The following SGCG variants were observed in gnomAD, a reference collection of about 807,000 sequenced individuals.
The protein encoded by SGCG is sarcoglycan gamma.
In SGCG, 26 loss-of-function variants were observed where a neutral mutation model predicts 29.3. The observed-to-expected ratio is 0.89, with a 90% CI of 0.65 to 1.23. SGCG has a LOEUF of 1.23. Among genes scored for constraint, SGCG ranks in the 50% most tolerant of loss-of-function variants. The pLI is 0.00. For synonymous variants in SGCG, 145 were observed against 129.7 expected, an observed-to-expected ratio of 1.12 and a Z score of -0.80; for missense variants, 353 against 356.0, an observed-to-expected ratio of 0.99 and a Z score of 0.07.
chr13:23,282,532 TCCACATGTTCTCATCGTTTAGCTC>T (rs1460055501), intron 5 of SGCG, among the ~76,000 whole-genome samples: 1 of 152,188 alleles, frequency 6.6e-6, no homozygotes, highest in African/African-American at 2.4e-5. Flanking sequence ...CCTCTATGTG[TCCACATGTTCTCATCGTTTAGCTC>T]CCACTTATAG....
chr13:23,246,236 T>C (rs890455634), intron 3 of SGCG: 1 of 152,108 alleles, frequency 6.6e-6, no homozygotes, highest in Non-Finnish European at 1.5e-5. Flanking sequence ...AATTCCTCCT[T>C]ATTTCACTAC....
intron 2 of SGCG, among the ~76,000 whole-genome samples, chr13:23,230,623 T>C (rs2137539855): frequency 6.6e-6 from 1 of 152,334 alleles, no homozygotes; most frequent in South Asian, 2.1e-4. Flanking sequence ...CTGATTTTTG[T>C]ACATTGATTT....
At chr13:23,249,480 A>C (rs554383774) in intron 3 of SGCG, among the ~76,000 whole-genome samples, 2 of 152,356 alleles carry the variant, frequency 1.3e-5, no homozygotes, top group East Asian at 3.9e-4. Flanking sequence ...TTGCTTTTTC[A>C]GTTGGTTTTT....
At chr13:23,163,027 G>A in the SGCG span, among the ~76,000 whole-genome samples, 2 of 152,032 alleles carry the variant, frequency 1.3e-5, no homozygotes, top group Non-Finnish European at 2.9e-5. Context: ...GATAATAGTG[G>A]TACAATAATT....
At chr13:23,262,189 A>G (rs1880465212) in intron 4 of SGCG, among the ~76,000 whole-genome samples, 1 of 152,090 alleles carries the variant, frequency 6.6e-6, no homozygotes, top group Non-Finnish European at 1.5e-5. Context: ...AGTGGTCTAA[A>G]TGCTCCACTT....
intron 4 of SGCG, among the ~76,000 whole-genome samples, chr13:23,276,899 T>C (rs1881101333): frequency 6.6e-6 from 1 of 152,246 alleles, no homozygotes; most frequent in Non-Finnish European, 1.5e-5. Context: ...CTTTTCTTTT[T>C]AGTGAACCAC....
intron 4 of SGCG, among the ~76,000 whole-genome samples, chr13:23,258,028 A>G (rs1202864168): frequency 2.6e-5 from 4 of 152,098 alleles, no homozygotes; most frequent in African/African-American, 4.8e-5. Flanking sequence ...TTGGCAATGC[A>G]GGCTCTTTTT....
chr13:23,229,121 T>C (rs1051535045), intron 2 of SGCG, among the ~76,000 whole-genome samples: 4 of 152,158 alleles, frequency 2.6e-5, no homozygotes, highest in African/African-American at 9.7e-5. Flanking sequence ...CCACCTGCGT[T>C]GGCCTCCCAA....
chr13:23,213,922 G>C (rs1489708732), intron 2 of SGCG, among the ~76,000 whole-genome samples: 1 of 152,172 alleles, frequency 6.6e-6, no homozygotes, highest in African/African-American at 2.4e-5. Flanking sequence ...CCTAAGGAAG[G>C]GCAGTGTGGC....
At chr13:23,193,062 A>G (rs753346568) in intron 1 of SGCG, among the ~76,000 whole-genome samples, 2 of 152,240 alleles carry the variant, frequency 1.3e-5, no homozygotes, top group Admixed American at 6.5e-5. Context: ...TGTACAGGAT[A>G]AAAGGGACAA....
intron 5 of SGCG, among the ~76,000 whole-genome samples, chr13:23,283,653 C>A (rs1410564792): frequency 1.3e-5 from 2 of 152,218 alleles, no homozygotes; most frequent in East Asian, 1.9e-4. Flanking sequence ...TTGATCCTGT[C>A]ATTATGATGC....
intron 2 of SGCG, among the ~76,000 whole-genome samples, chr13:23,222,686 G>T (rs1415660772): frequency 6.6e-5 from 10 of 151,928 alleles, no homozygotes; most frequent in South Asian, 2.1e-4. Flanking sequence ...AATTAGCCAG[G>T]CGTAGATGGC....
At chr13:23,309,546 T>C (rs960176955) in intron 6 of SGCG, among the ~76,000 whole-genome samples, 6 of 152,252 alleles carry the variant, frequency 3.9e-5, no homozygotes, top group African/African-American at 1.4e-4. Flanking sequence ...GGGACAAATG[T>C]TGGCTAGAAA....
intron 3 of SGCG, among the ~76,000 whole-genome samples, chr13:23,238,789 A>G (rs550150042): frequency 1.3e-5 from 2 of 152,362 alleles, no homozygotes; most frequent in East Asian, 3.9e-4. Flanking sequence ...AGAGATGAAA[A>G]GTATAACAAC....
chr13:23,269,865 G>GTTT (rs759448810), intron 4 of SGCG, among the ~76,000 whole-genome samples: 32 of 101,206 alleles, frequency 3.2e-4, no homozygotes, highest in Admixed American at 4.8e-4. Flanking sequence ...GCTTTTTTTT[G>GTTT]TTTTTTTTGT....
chr13:23,282,655 A>G (rs148860846), intron 5 of SGCG, among the ~76,000 whole-genome samples: 1 of 152,228 alleles, frequency 6.6e-6, no homozygotes, highest in Non-Finnish European at 1.5e-5. Flanking sequence ...CTAGAAGGGC[A>G]TGCATGATCA....
intron 4 of SGCG, 100 bp downstream of exon 4, chr13:23,250,817 T>G (rs1325453825): frequency 2.6e-6 from 2 of 770,812 alleles, no homozygotes; most frequent in Non-Finnish European, 4.6e-6. Context: ...AAGCTACTTA[T>G]GAACAAAATA....
At chr13:23,302,117 T>C (rs1160883956) in intron 6 of SGCG, among the ~76,000 whole-genome samples, 1 of 152,090 alleles carries the variant, frequency 6.6e-6, no homozygotes, top group Non-Finnish European at 1.5e-5. Flanking sequence ...AAACAAGCTC[T>C]TCTTATGGAG....
At chr13:23,169,476 C>T in the SGCG span, among the ~76,000 whole-genome samples, 9 of 151,700 alleles carry the variant, frequency 5.9e-5, no homozygotes, top group East Asian at 1.4e-3. Context: ...GTCAAGAGAT[C>T]GAGACCATTC....
Sources: allele counts gnomAD v4.1 joint callset (sites outside exome capture counted in the v4.1 genomes callset), GRCh38; gene constraint gnomAD v4.1.1; transcripts MANE v1.5; gene names NCBI Gene and HGNC (gene_info 2026-07-23, HGNC 2026-07-21).